The following ITGBL1 variants were observed in gnomAD, a reference collection of about 807,000 sequenced individuals.
The protein encoded by ITGBL1 is integrin subunit beta like 1, also known as integrin beta-like protein 1.
Under a neutral mutation model 68.5 loss-of-function variants are expected in ITGBL1, and 51 were observed. The observed-to-expected ratio is 0.74, with a 90% CI of 0.59 to 0.94. The LOEUF (loss-of-function observed/expected upper bound fraction) is 0.94, where lower values mean the gene tolerates loss of function less well. Ranked by LOEUF, ITGBL1 falls within the 40% of genes least tolerant of loss-of-function variation. The pLI is 0.00. For missense variants in ITGBL1, 649 were observed against 647.4 expected (o/e 1.00, Z -0.03); for synonymous variants, 209 against 227.3 (o/e 0.92, Z 0.72).
chr13:101,669,851 CAA>C (rs2033315486), intron 7 of ITGBL1, among the ~76,000 whole-genome samples: 1 of 152,126 alleles, frequency 6.6e-6, no homozygotes, highest in South Asian at 2.1e-4. Context: ...CTCAGAAGTT[CAA>C]CTTTTCATTG....
chr13:101,605,710 G>T (rs1460243228), intron 7 of ITGBL1, among the ~76,000 whole-genome samples: 1 of 151,464 alleles, frequency 6.6e-6, no homozygotes, highest in East Asian at 1.9e-4. Flanking sequence ...ACTTATGTAT[G>T]TGCGTATATG....
intron 5 of ITGBL1, among the ~76,000 whole-genome samples, chr13:101,582,451 GT>G (rs1216148960): frequency 6.6e-6 from 1 of 152,056 alleles, no homozygotes; most frequent in African/African-American, 2.4e-5. Context: ...TGATTAGCTG[GT>G]TGCCCTAAAG....
intron 7 of ITGBL1, among the ~76,000 whole-genome samples, chr13:101,623,066 C>T (rs1429117147): frequency 6.6e-6 from 1 of 151,834 alleles, no homozygotes; most frequent in African/African-American, 2.4e-5. Flanking sequence ...AATTTGAATT[C>T]GTTAATAACG....
At chr13:101,549,412 ATAAAT>A (rs553830546) in intron 2 of ITGBL1, among the ~76,000 whole-genome samples, 20 of 152,084 alleles carry the variant, frequency 1.3e-4, no homozygotes, top group African/African-American at 3.1e-4. Context: ...CTTAGAATTC[ATAAAT>A]TAAATAATTT....
intron 2 of ITGBL1, among the ~76,000 whole-genome samples, chr13:101,494,149 C>T (rs572389499): frequency 6.6e-6 from 1 of 152,136 alleles, no homozygotes; most frequent in African/African-American, 2.4e-5. Flanking sequence ...AGCCAAAAAG[C>T]AAACAGGGGA....
intron 8 of ITGBL1, among the ~76,000 whole-genome samples, chr13:101,700,763 A>C (rs903125378): frequency 1.3e-5 from 2 of 152,156 alleles, no homozygotes; most frequent in Non-Finnish European, 2.9e-5. Flanking sequence ...ATGCCAAGCT[A>C]TTTCTTGTCC....
intron 7 of ITGBL1, among the ~76,000 whole-genome samples, chr13:101,638,882 G>C (rs988702993): frequency 2.0e-5 from 3 of 152,116 alleles, no homozygotes; most frequent in African/African-American, 4.8e-5. Context: ...ATTGCATTTT[G>C]AGTACAAATA....
At chr13:101,512,893 T>C (rs1025095315) in intron 2 of ITGBL1, among the ~76,000 whole-genome samples, 27 of 152,144 alleles carry the variant, frequency 1.8e-4, no homozygotes, top group African/African-American at 6.0e-4. Flanking sequence ...TACCAGGACA[T>C]AGCAGTGGTT....
Position 101,716,230 on chromosome 13 carries a change from T to C in ITGBL1, c.*576T>C, listed in dbSNP as rs2034717095. On this transcript the variant is annotated 3_prime_UTR_variant, in exon 11 of 11. Transcript: ENST00000376180. ...TTCCGTATCAGTCACCATTTTAATA[T>C]GGGGACAATGAAGACAAGCACACAG... The C allele has an allele frequency of 6.6e-6, 1 of 152,218 alleles. No homozygotes were observed. Among genetic ancestry groups the C allele is most frequent in the Non-Finnish European group, 1.5e-5 (1 of 68,070 alleles). 9.4% of individuals were successfully genotyped at this position (152,218 alleles called of 1,614,324 possible).
At chr13:101,453,780 T>C in intron 1 of ITGBL1, 103 bp from the exon 2 acceptor site, 9 of 687,024 alleles carry the variant, frequency 1.3e-5, no homozygotes, top group Non-Finnish European at 1.8e-5. Flanking sequence ...CTTGGGGTTG[T>C]ACGTCTGCAC....
At chr13:101,556,465 T>G (rs2050007867) in intron 2 of ITGBL1, among the ~76,000 whole-genome samples, 1 of 151,940 alleles carries the variant, frequency 6.6e-6, no homozygotes, top group Non-Finnish European at 1.5e-5. Flanking sequence ...GGAGAAACCC[T>G]GTCACTACTA....
chr13:101,597,027 C>A (rs367774692), intron 6 of ITGBL1, among the ~76,000 whole-genome samples: 8 of 152,068 alleles, frequency 5.3e-5, no homozygotes, highest in East Asian at 1.9e-4. Context: ...CACACTCATA[C>A]AATGTACACT....
intron 6 of ITGBL1, among the ~76,000 whole-genome samples, chr13:101,597,599 T>C (rs1367396678): frequency 6.6e-6 from 1 of 152,006 alleles, no homozygotes; most frequent in African/African-American, 2.4e-5. Context: ...TCGCTCAGGC[T>C]GGAGTGCAGT....
At chr13:101,476,074 G>A (rs2048532605) in intron 2 of ITGBL1, among the ~76,000 whole-genome samples, 1 of 152,144 alleles carries the variant, frequency 6.6e-6, no homozygotes, top group Non-Finnish European at 1.5e-5. Context: ...GTAATTGTGT[G>A]TAAAATATTT....
At chr13:101,595,395 A>G (rs934287994) in intron 6 of ITGBL1, among the ~76,000 whole-genome samples, 1 of 152,160 alleles carries the variant, frequency 6.6e-6, no homozygotes, top group African/African-American at 2.4e-5. Flanking sequence ...CCCCATAGTC[A>G]AAACACCTCC....
intron 2 of ITGBL1, chr13:101,490,111 A>C: frequency 1.4e-6 from 1 of 714,662 alleles, no homozygotes; most frequent in Non-Finnish European, 2.3e-6. Context: ...TGGTATTTGG[A>C]GGTGGGGCCT....
At chr13:101,583,414 TAAAAA>T in intron 6 of ITGBL1, 58 bp downstream of exon 6, 21 of 1,047,556 alleles carry the variant, frequency 2.0e-5, no homozygotes, top group Middle Eastern at 2.6e-4. Context: ...TGTTAATGGG[TAAAAA>T]AAAAAAAAAA....
At chr13:101,708,009 C>T (rs759572659) in intron 9 of ITGBL1, among the ~76,000 whole-genome samples, 3 of 148,886 alleles carry the variant, frequency 2.0e-5, no homozygotes, top group South Asian at 2.1e-4. Flanking sequence ...CTCCATCTCC[C>T]ATCCTACACA....
chr13:101,632,147 C>CTATA (rs1031748769), intron 7 of ITGBL1, among the ~76,000 whole-genome samples: 7 of 141,014 alleles, frequency 5.0e-5, no homozygotes, highest in African/African-American at 1.4e-4. Context: ...CTCTCTCTCT[C>CTATA]TCTATATATA....
Sources: allele counts gnomAD v4.1 joint callset (sites outside exome capture counted in the v4.1 genomes callset), GRCh38; gene constraint gnomAD v4.1.1; transcripts MANE v1.5; gene names NCBI Gene and HGNC (gene_info 2026-07-23, HGNC 2026-07-21).